The following DNAI1 variants were observed in gnomAD, a reference collection of about 807,000 sequenced individuals.
The protein encoded by DNAI1 is dynein axonemal intermediate chain 1, also known as dynein, axonemal, intermediate polypeptide 1.
A neutral mutation model predicts 92.0 loss-of-function variants in DNAI1; 67 were observed. The observed-to-expected ratio is 0.73, with a 90% CI of 0.60 to 0.89. DNAI1 has a LOEUF of 0.89. Ranked by LOEUF, DNAI1 falls within the 40% of genes least tolerant of loss-of-function variation. DNAI1 has a pLI of 0.00. For synonymous variants in DNAI1, 323 were observed against 319.6 expected (o/e 1.01, Z -0.11); for missense variants, 839 against 866.6 (o/e 0.97, Z 0.40).
rs1587097321 is a variant in DNAI1, at chr9:34,520,844, A to G, written c.*88A>G. 1.6e-6 allele frequency: 2 copies of G among 1,264,346 alleles called. No homozygotes were observed. Among genetic ancestry groups the G allele is most frequent in the Non-Finnish European group, 2.3e-6 (2 of 886,008 alleles). The allele number at this position is 1,264,346 out of a possible 1,614,324, so 78.3% of individuals were successfully genotyped here. A position where few individuals can be genotyped will look rare whatever the true frequency, so the allele number is the denominator to read the frequency against. ...ACCCAGCCCAGCCTTAGCACCCAGC[A>G]TGTGACCCCACTCCTGATCAGGTCC... On this transcript the variant is annotated 3_prime_UTR_variant, in exon 20 of 20. Coordinates refer to ENST00000242317, the MANE Select transcript of DNAI1 (RefSeq NM_012144.4).
In DNAI1 at chr9:34,512,188, C is replaced by G. The variant is rs2132081401; in HGVS notation, c.1391C>G (p.Thr464Ser). 6.2e-7 allele frequency: 1 copy of G among 1,614,196 alleles called. No individual in the cohort carries two copies. Among genetic ancestry groups the G allele is most frequent in the East Asian group, 2.2e-5 (1 of 44,886 alleles). The change falls in exon 14 of 20, where the codon ACT (threonine) becomes AGT (serine). Residue 464 changes from threonine to serine, a missense_variant. By Grantham distance (58) the Thr-to-Ser change is moderately conservative. Transcript: ENST00000242317. ...TCTGACGGCAGGATTGTGTCTTGGA[C>G]TCTCGTGAAGGTGCCTATTTCCCAG... ...VSSDGRIVSWTLVKRKLVHID... is the reference protein window; with the variant it reads ...VSSDGRIVSWSLVKRKLVHID...
chr9:34,511,113 G>C (rs758410375), intron 13 of DNAI1, among the ~76,000 whole-genome samples: 2 of 152,178 alleles, frequency 1.3e-5, no homozygotes, highest in Non-Finnish European at 2.9e-5. Context: ...GACGGGGAGG[G>C]GACAGGACGG....
intron 4 of DNAI1, among the ~76,000 whole-genome samples, chr9:34,487,346 C>T (rs1180049501): frequency 2.6e-5 from 4 of 151,994 alleles, no homozygotes; most frequent in South Asian, 4.2e-4. Context: ...CCACCACACC[C>T]GGCTAATTTT....
chr9:34,499,730 C>T (rs759978689), intron 10 of DNAI1, among the ~76,000 whole-genome samples: 5 of 152,130 alleles, frequency 3.3e-5, no homozygotes, highest in Non-Finnish European at 5.9e-5. Context: ...ACATGGAAAA[C>T]GATGTAGAAA....
In DNAI1 at chr9:34,512,155, C is replaced by T. The variant is rs570528970; in HGVS notation, c.1358C>T (p.Ser453Phe). Residue 453 changes from serine to phenylalanine, a missense_variant, in exon 14 of 20, where the codon TCT (serine) becomes TTT (phenylalanine). Ser to Phe is a radical substitution (Grantham distance 155). Transcript: ENST00000242317. ...ATGGACCAAAACCTTAACTTCTTCT[C>T]TGTGTCATCTGACGGCAGGATTGTG... ...DDMDQNLNFF[S>F]VSSDGRIVSW... The T allele has an allele frequency of 8.7e-6, 14 of 1,614,204 alleles. No individual in the cohort carries two copies. Among genetic ancestry groups the T allele is most frequent in the African/African-American group, 1.3e-5 (1 of 75,046 alleles).
chr9:34,514,390 C>T lies in DNAI1; in HGVS notation c.1570-4C>T. On this transcript the variant is annotated splice_region_variant and splice_polypyrimidine_tract_variant and intron_variant, in intron 16 of 19. Coordinates refer to ENST00000242317, the MANE Select transcript of DNAI1 (RefSeq NM_012144.4). ...CTTCTGACCCCCGTTCCCTCCCCGA[C>T]CAGTGCTCTAAATCCTACTCCAGCC... 1 of 1,613,934 alleles carries T rather than the reference C, an allele frequency of 6.2e-7. No individual in the cohort carries two copies.
At chr9:34,520,617 G>A (rs1355674340) in intron 19 of DNAI1, 41 bp from the exon 20 acceptor site, 4 of 1,523,400 alleles carry the variant, frequency 2.6e-6, no homozygotes, top group African/African-American at 1.4e-5. Flanking sequence ...GAGAGGGGGG[G>A]CCCACCATTC....
chr9:34,478,650 C>A (rs1169483833), intron 1 of DNAI1: 1 of 152,240 alleles, frequency 6.6e-6, no homozygotes, highest in East Asian at 1.9e-4. Context: ...GCTGAGACAT[C>A]TGTTATCCCA....
intron 10 of DNAI1, among the ~76,000 whole-genome samples, chr9:34,497,495 G>C (rs1824750629): frequency 6.6e-6 from 1 of 152,244 alleles, no homozygotes; most frequent in Non-Finnish European, 1.5e-5. Context: ...GCAGAGCAGA[G>C]ACTTGCCCAT....
intron 1 of DNAI1, among the ~76,000 whole-genome samples, chr9:34,463,704 T>C (rs1267479926): frequency 6.6e-6 from 1 of 152,228 alleles, no homozygotes; most frequent in Admixed American, 6.5e-5. Context: ...GAATTTTACA[T>C]CATTCTCCTG....
At chr9:34,482,563 G>A (rs887944096) in intron 1 of DNAI1, among the ~76,000 whole-genome samples, 1 of 151,776 alleles carries the variant, frequency 6.6e-6, no homozygotes, top group East Asian at 1.9e-4. Flanking sequence ...CACCAGAGCA[G>A]CTAGATACAG....
intron 8 of DNAI1, among the ~76,000 whole-genome samples, chr9:34,492,535 T>TCTATAGATA (rs1425684909): frequency 3.8e-5 from 5 of 131,886 alleles, no homozygotes; most frequent in African/African-American, 1.4e-4. Flanking sequence ...TATATATATA[T>TCTATAGATA]TTGAGACAAG....
intron 13 of DNAI1, among the ~76,000 whole-genome samples, chr9:34,507,555 G>T (rs370704970): frequency 6.2e-4 from 94 of 152,354 alleles, no homozygotes; most frequent in African/African-American, 2.2e-3. Context: ...GGTTGGTCTT[G>T]CTGTCTCATG....
chr9:34,481,631 C>G (rs991865681), intron 1 of DNAI1, among the ~76,000 whole-genome samples: 1 of 152,138 alleles, frequency 6.6e-6, no homozygotes, highest in Non-Finnish European at 1.5e-5. Context: ...CAGATGTGTT[C>G]CGAGTTTCTT....
intron 1 of DNAI1, among the ~76,000 whole-genome samples, chr9:34,474,966 A>C (rs767815263): frequency 5.3e-5 from 8 of 152,206 alleles, no homozygotes; most frequent in Non-Finnish European, 1.2e-4. Context: ...ACTTTGGTAC[A>C]AAAAGTTTGC....
intron 11 of DNAI1, 56 bp from the exon 12 acceptor site, chr9:34,501,082 C>T: frequency 6.9e-7 from 1 of 1,444,708 alleles, no homozygotes; most frequent in East Asian, 2.3e-5. Context: ...AGGCCCTTGT[C>T]CACAGGAGGG....
chr9:34,517,612 C>G, intron 19 of DNAI1, 145 bp downstream of exon 19: 1 of 993,032 alleles, frequency 1.0e-6, no homozygotes, highest in Non-Finnish European at 1.5e-6. Context: ...GAATGAGGCT[C>G]ACAGTAGAAG....
Position 34,513,030 on chromosome 9 carries a change from G to A in DNAI1, c.1490-82G>A, listed in dbSNP as rs1000600239. The A allele has an allele frequency of 4.5e-6, 5 of 1,113,848 alleles. No homozygotes were observed. The African/African-American group carries it at 7.7e-5, about 17-fold the overall frequency. 69.0% of individuals were successfully genotyped at this position (1,113,848 alleles called of 1,614,324 possible). On this transcript the variant is annotated intron_variant, in intron 15 of 19. Coordinates refer to ENST00000242317, the MANE Select transcript of DNAI1 (RefSeq NM_012144.4). The stretch of plus-strand genomic sequence containing the variant: ...GTCCTGCGCTGAGAGTGCCTGGGCT[G>A]AGCTCCTCTGCTGAGTAGGGGAGGC...
chr9:34,492,493 G>GATATAT lies in DNAI1; in HGVS notation c.682-664_682-659dup, dbSNP rs752863173. 4.6e-3 allele frequency among the ~76,000 whole-genome samples: 315 copies of GATATAT among 68,144 alleles called. 8 individuals are homozygous for GATATAT. Among genetic ancestry groups the GATATAT allele is most frequent in the Middle Eastern group, 8.8e-3 (1 of 114 alleles). 44.7% of individuals were successfully genotyped at this position (68,144 alleles called of 152,430 possible). A position where few individuals can be genotyped will look rare whatever the true frequency, so the allele number is the denominator to read the frequency against. ...TCCGGGGTGGGGGTGGGGATATGAA[G>GATATAT]ATATATATATATATATATATATATA... is the stretch of plus-strand genomic sequence containing the variant. On this transcript the variant is annotated intron_variant, in intron 8 of 19. Transcript: ENST00000242317.
Sources: allele counts gnomAD v4.1 joint callset (sites outside exome capture counted in the v4.1 genomes callset), GRCh38; gene constraint gnomAD v4.1.1; transcripts MANE v1.5; gene names NCBI Gene and HGNC (gene_info 2026-07-23, HGNC 2026-07-21).